Variants in PIP5K1B observed in about 807,000 individuals in gnomAD.
PIP5K1B encodes the protein phosphatidylinositol 4-phosphate 5-kinase type-1 beta.
PIP5K1B carries 42 observed loss-of-function variants against 67.0 expected under a neutral mutation model. The ratio of observed to expected loss-of-function variants is 0.63; its 90% CI spans 0.49 to 0.81. The LOEUF (loss-of-function observed/expected upper bound fraction) is 0.81. Ranked by LOEUF, PIP5K1B falls within the 30% of genes least tolerant of loss-of-function variation. PIP5K1B has a pLI of 0.00. For synonymous variants in PIP5K1B, 214 were observed against 231.4 expected, an observed-to-expected ratio of 0.92 and a Z score of 0.68; for missense variants, 459 against 646.3, an observed-to-expected ratio of 0.71 and a Z score of 3.14.
At chr9:68,898,806 C>T (rs1825219904) in intron 8 of PIP5K1B, among the ~76,000 whole-genome samples, 1 of 152,214 alleles carries the variant, frequency 6.6e-6, no homozygotes, top group African/African-American at 2.4e-5. Flanking sequence ...GTAGGCACAG[C>T]CACTGCTTTT....
At chr9:68,969,717 G>A (rs1012044929) in intron 14 of PIP5K1B, among the ~76,000 whole-genome samples, 3 of 152,092 alleles carry the variant, frequency 2.0e-5, no homozygotes, top group Non-Finnish European at 4.4e-5. Flanking sequence ...AGGCCCTTCC[G>A]GGAATTGCTT....
At chr9:68,918,493 C>G (rs996232437) in intron 9 of PIP5K1B, among the ~76,000 whole-genome samples, 2 of 152,214 alleles carry the variant, frequency 1.3e-5, no homozygotes, top group Admixed American at 6.5e-5. Context: ...TGCACCCTGA[C>G]AGATGTGGTC....
intron 5 of PIP5K1B, among the ~76,000 whole-genome samples, chr9:68,872,045 C>T (rs1198042459): frequency 1.3e-5 from 2 of 152,150 alleles, no homozygotes; most frequent in Non-Finnish European, 2.9e-5. Flanking sequence ...CAACAGGTAA[C>T]TCCAGTCTCA....
At chr9:68,756,940 T>A (rs1290896245) in intron 2 of PIP5K1B, among the ~76,000 whole-genome samples, 5 of 152,336 alleles carry the variant, frequency 3.3e-5, no homozygotes, top group Non-Finnish European at 7.4e-5. Context: ...ATATATTTTC[T>A]ATTTTTTATT....
At chr9:68,963,241 A>T (rs1291087826) in intron 14 of PIP5K1B, 1 of 456,072 alleles carries the variant, frequency 2.2e-6, no homozygotes, top group South Asian at 1.5e-5. Context: ...TGTGGCTCAC[A>T]CCTGTAATCC....
At chr9:68,847,755 A>G (rs756593964) in intron 4 of PIP5K1B, among the ~76,000 whole-genome samples, 8 of 152,170 alleles carry the variant, frequency 5.3e-5, no homozygotes, top group East Asian at 1.9e-4. Flanking sequence ...TTTGGCCCTG[A>G]CCCATCTCCA....
chr9:68,831,121 G>T (rs535477905), intron 4 of PIP5K1B, among the ~76,000 whole-genome samples: 1 of 152,172 alleles, frequency 6.6e-6, no homozygotes, highest in South Asian at 2.1e-4. Context: ...CTCAATAGTC[G>T]TAGGGAACAT....
rs1348312849 is a variant in PIP5K1B, at chr9:68,762,870, C to T, written c.-86+20213C>T. 2.0e-5 allele frequency among the ~76,000 whole-genome samples: 3 copies of T among 152,068 alleles called. No individual in the cohort carries two copies. The East Asian group carries it at 5.8e-4, about 29-fold the overall frequency. The stretch of plus-strand genomic sequence containing the variant: ...CTATCCTTAGAGCTCCCATACTGTA[C>T]AACTCCACGTGTTAACATTTTCCTC... On this transcript the variant is annotated intron_variant, in intron 2 of 15. Transcript: ENST00000265382.
At chr9:68,823,511 T>C (rs1472743678) in intron 4 of PIP5K1B, among the ~76,000 whole-genome samples, 1 of 152,240 alleles carries the variant, frequency 6.6e-6, no homozygotes, top group Non-Finnish European at 1.5e-5. Flanking sequence ...ATTTTATGTC[T>C]TCAGCCCATT....
At chr9:68,767,360 G>A (rs577813626) in intron 2 of PIP5K1B, among the ~76,000 whole-genome samples, 105 of 152,210 alleles carry the variant, frequency 6.9e-4, no homozygotes, top group African/African-American at 2.1e-3. Flanking sequence ...TTGGGAGGCC[G>A]AGGCGGGTGG....
intron 1 of PIP5K1B, among the ~76,000 whole-genome samples, chr9:68,724,655 T>C (rs923910471): frequency 2.6e-5 from 4 of 152,156 alleles, no homozygotes; most frequent in African/African-American, 9.6e-5. Flanking sequence ...CTTATTTGGT[T>C]GAGTTTATTA....
chr9:68,890,064 A>G (rs1464843853), intron 7 of PIP5K1B, among the ~76,000 whole-genome samples: 1 of 152,206 alleles, frequency 6.6e-6, no homozygotes, highest in Non-Finnish European at 1.5e-5. Flanking sequence ...GGAGAGCTGC[A>G]GAGCTGGGGC....
At chr9:68,930,447 C>T (rs1564244265) in intron 12 of PIP5K1B, among the ~76,000 whole-genome samples, 1 of 152,074 alleles carries the variant, frequency 6.6e-6, no homozygotes, top group Admixed American at 6.6e-5. Flanking sequence ...TGCCATCATC[C>T]CTTGACCCCT....
chr9:68,838,924 C>A (rs1261284837), intron 4 of PIP5K1B, among the ~76,000 whole-genome samples: 2 of 152,100 alleles, frequency 1.3e-5, no homozygotes, highest in Non-Finnish European at 2.9e-5. Context: ...TTATTTAATT[C>A]AGATTTTATA....
intron 13 of PIP5K1B, among the ~76,000 whole-genome samples, chr9:68,939,740 C>T (rs1464464273): frequency 6.6e-6 from 1 of 152,216 alleles, no homozygotes; most frequent in Non-Finnish European, 1.5e-5. Flanking sequence ...CATCTATACC[C>T]TTCACATCCA....
chr9:68,798,098 A>G (rs1832394988), intron 2 of PIP5K1B, among the ~76,000 whole-genome samples: 1 of 152,114 alleles, frequency 6.6e-6, no homozygotes, highest in African/African-American at 2.4e-5. Flanking sequence ...CAATGTGAAT[A>G]TTTGAAGAAA....
chr9:68,946,553 C>T (rs761947842), intron 14 of PIP5K1B, among the ~76,000 whole-genome samples: 10 of 151,774 alleles, frequency 6.6e-5, no homozygotes, highest in African/African-American at 1.7e-4. Context: ...CCACCACGCC[C>T]GGCTAATTTT....
At chr9:68,899,368 A>G (rs1205761086) in intron 8 of PIP5K1B, among the ~76,000 whole-genome samples, 3 of 152,248 alleles carry the variant, frequency 2.0e-5, no homozygotes, top group African/African-American at 4.8e-5. Flanking sequence ...GGCTTAATCT[A>G]TCTTTATATC....
chr9:68,964,568 T>C (rs1031022727), intron 14 of PIP5K1B, among the ~76,000 whole-genome samples: 2 of 152,228 alleles, frequency 1.3e-5, no homozygotes, highest in African/African-American at 4.8e-5. Context: ...GAGCCTGGCA[T>C]GTCAGCTCAG....
Sources: allele counts gnomAD v4.1 joint callset (sites outside exome capture counted in the v4.1 genomes callset), GRCh38; gene constraint gnomAD v4.1.1; transcripts MANE v1.5; gene names NCBI Gene and HGNC (gene_info 2026-07-23, HGNC 2026-07-21).